FOXN3: variants seen among roughly 807,000 people sequenced by gnomAD.
FOXN3 encodes the protein forkhead box N3, also known as forkhead box protein N3.
A neutral mutation model predicts 38.4 loss-of-function variants in FOXN3; 7 were observed. The observed-to-expected ratio is 0.18, with a 90% confidence interval of 0.10 to 0.34. The LOEUF is 0.34. Ranked by LOEUF, FOXN3 falls within the 10% of genes least tolerant of loss-of-function variation. The pLI is 1.00. For synonymous variants in FOXN3, 230 were observed against 242.2 expected (o/e 0.95, Z 0.47); for missense variants, 456 against 613.4 (o/e 0.74, Z 2.71).
intron 1 of FOXN3, among the ~76,000 whole-genome samples, chr14:89,558,748 C>T (rs1214142132): frequency 6.6e-6 from 1 of 152,186 alleles, no homozygotes; most frequent in Non-Finnish European, 1.5e-5. Flanking sequence ...TCGGACCCAG[C>T]CATGCCAGAG....
intron 3 of FOXN3, among the ~76,000 whole-genome samples, chr14:89,336,216 CTCCA>C (rs71130057): frequency 1.9e-4 from 27 of 143,156 alleles, no homozygotes; most frequent in African/African-American, 4.7e-4. Flanking sequence ...CTAACGGTGC[CTCCA>C]TCCATCCATC....
At chr14:89,407,868 C>A (rs971242375) in intron 2 of FOXN3, among the ~76,000 whole-genome samples, 3 of 151,980 alleles carry the variant, frequency 2.0e-5, no homozygotes, top group Non-Finnish European at 2.9e-5. Context: ...GAAACAGCGA[C>A]AACAAAAAAG....
intron 1 of FOXN3, among the ~76,000 whole-genome samples, chr14:89,460,483 C>A (rs1055374867): frequency 1.3e-5 from 2 of 152,158 alleles, no homozygotes; most frequent in African/African-American, 4.8e-5. Flanking sequence ...GCACAGTGAG[C>A]GGGCTTCATT....
rs75721039 is a variant in FOXN3 at position 89,248,328 on chromosome 14, C to A, written c.745+32622G>T. Among the ~76,000 whole-genome samples the A allele has an allele frequency of 7.2e-3, 1,091 of 152,348 alleles. 17 individuals carry two copies. Among genetic ancestry groups the A allele is most frequent in the African/African-American group, 0.024 (1,017 of 41,586 alleles). ...ATCATTTCAGTTTTAGTTCCACCTT[C>A]CATACTTTTGCATCTTAGTATTGTC... On this transcript the variant is annotated intron_variant, in intron 4 of 5. Transcript: ENST00000557258.
chr14:89,572,750 T>C (rs974085140), intron 1 of FOXN3, among the ~76,000 whole-genome samples: 1 of 152,256 alleles, frequency 6.6e-6, no homozygotes, highest in African/African-American at 2.4e-5. Context: ...ATTTCTGTGA[T>C]GACAAGTTAG....
intron 2 of FOXN3, among the ~76,000 whole-genome samples, chr14:89,360,755 C>T (rs1237652754): frequency 4.0e-4 from 44 of 109,792 alleles, no homozygotes; most frequent in South Asian, 3.4e-4. Context: ...CCTCCACCAC[C>T]ACCTCCACCA....
rs1331473113 is a variant in FOXN3 at position 89,566,178 on chromosome 14, C to T, written c.-15+52850G>A. Among the ~76,000 whole-genome samples the T allele has an allele frequency of 3.3e-5, 5 of 152,242 alleles. 1 individual carries two copies. The highest frequency in any genetic ancestry group is 9.6e-5 in the African/African-American group (4 of 41,456). On this transcript the variant is annotated intron_variant, in intron 1 of 6. Coordinates refer to the FOXN3 transcript ENST00000345097. ...AATTCCTGTAAAAACCTCACCCATA[C>T]ACACTGTACTATTTTACCTTTTTTT...
chr14:89,378,882 T>C (rs992319452), intron 2 of FOXN3, among the ~76,000 whole-genome samples: 6 of 152,088 alleles, frequency 3.9e-5, no homozygotes, highest in East Asian at 1.9e-4. Context: ...AATTTTTGTA[T>C]TTTTAGTAGA....
rs1201640512 is a variant in FOXN3, at chr14:89,161,750, A to T, written c.*664T>A. Reference sequence around the variant, plus strand: ...GACACCCGATGCGCATGAACAGTCCAACGTCCACCTCGTAAGATGTCATCG... The same window carrying T: ...GACACCCGATGCGCATGAACAGTCCTACGTCCACCTCGTAAGATGTCATCG... On this transcript the variant is annotated 3_prime_UTR_variant, in exon 6 of 6. Transcript: ENST00000557258. 1 of 152,428 alleles carries T rather than the reference A, an allele frequency of 6.6e-6. No individual in the cohort carries two copies. The highest frequency in any genetic ancestry group is 2.4e-5 in the African/African-American group (1 of 41,436). 9.4% of individuals were successfully genotyped at this position (152,428 alleles called of 1,614,324 possible). A position where few individuals can be genotyped will look rare whatever the true frequency, so the allele number is the denominator to read the frequency against.
intron 1 of FOXN3, among the ~76,000 whole-genome samples, chr14:89,588,533 C>A (rs1490561172): frequency 6.6e-6 from 1 of 152,156 alleles, no homozygotes; most frequent in African/African-American, 2.4e-5. Context: ...GTGCTCTAGG[C>A]TAACATCATG....
At chr14:89,618,923 T>C (rs552337543) in intron 1 of FOXN3, 1 of 152,458 alleles carries the variant, frequency 6.6e-6, no homozygotes, top group African/African-American at 2.4e-5. Flanking sequence ...TTAAAAAAAA[T>C]CAAAGAGTGC....
At chr14:89,533,446 G>T (rs951350988) in intron 1 of FOXN3, among the ~76,000 whole-genome samples, 15 of 152,060 alleles carry the variant, frequency 9.9e-5, no homozygotes, top group African/African-American at 3.6e-4. Context: ...GGCGGATCAC[G>T]AAGTCAGGAG....
chr14:89,333,980 A>ATG (rs1888349452), intron 3 of FOXN3, among the ~76,000 whole-genome samples: 1 of 8,392 alleles, frequency 1.2e-4, no homozygotes, highest in Admixed American at 2.6e-3. Context: ...ATATATATAT[A>ATG]TATATATATA....
intron 3 of FOXN3, among the ~76,000 whole-genome samples, chr14:89,344,196 G>GA (rs1299651195): frequency 6.7e-6 from 1 of 150,188 alleles, no homozygotes; most frequent in Non-Finnish European, 1.5e-5. Context: ...TACTTTACAT[G>GA]AAATATAGAC....
At chr14:89,288,744 ATATATATATATATATATATATATATG>A (rs1023303400) in intron 3 of FOXN3, among the ~76,000 whole-genome samples, 3 of 61,856 alleles carry the variant, frequency 4.8e-5, no homozygotes, top group African/African-American at 1.6e-4. Context: ...ATATATATAT[ATATATATATATATATATATATATATG>A]CTTGCACTGG....
intron 2 of FOXN3, among the ~76,000 whole-genome samples, chr14:89,369,849 CA>C (rs1277914271): frequency 1.3e-5 from 2 of 152,184 alleles, no homozygotes; most frequent in African/African-American, 2.4e-5. Context: ...TGGGTGGGGA[CA>C]CAGAGTCAAA....
intron 1 of FOXN3, among the ~76,000 whole-genome samples, chr14:89,455,427 G>A (rs2139718596): frequency 6.6e-6 from 1 of 152,368 alleles, no homozygotes; most frequent in African/African-American, 2.4e-5. Flanking sequence ...TACAGGAACA[G>A]GGAAAGGAAG....
At chr14:89,501,118 T>A (rs1189686591) in intron 1 of FOXN3, among the ~76,000 whole-genome samples, 6 of 152,212 alleles carry the variant, frequency 3.9e-5, no homozygotes, top group Non-Finnish European at 8.8e-5. Flanking sequence ...AGTGGTAAGA[T>A]GTATTTTTTC....
At chr14:89,384,494 C>G (rs922398593) in intron 2 of FOXN3, among the ~76,000 whole-genome samples, 8 of 152,146 alleles carry the variant, frequency 5.3e-5, no homozygotes, top group African/African-American at 1.9e-4. Context: ...CACTAAAAAA[C>G]AACTAATGAC....
Sources: allele counts gnomAD v4.1 joint callset (sites outside exome capture counted in the v4.1 genomes callset), GRCh38; gene constraint gnomAD v4.1.1; transcripts MANE v1.5; gene names NCBI Gene and HGNC (gene_info 2026-07-23, HGNC 2026-07-21).